The following CACNG1 variants were observed in gnomAD, a reference collection of about 807,000 sequenced individuals.
CACNG1 encodes the protein voltage-dependent calcium channel gamma-1 subunit.
Under a neutral mutation model 22.0 loss-of-function variants are expected in CACNG1, and 21 were observed. The observed-to-expected ratio is 0.95, with a 90% CI of 0.68 to 1.37. The LOEUF (loss-of-function observed/expected upper bound fraction) is 1.37. Among genes scored for constraint, CACNG1 ranks in the 40% most tolerant of loss-of-function variants. The probability of loss-of-function intolerance (pLI) is 0.00; values close to 1 mark genes in which losing one functional copy is unlikely to be tolerated. For missense variants in CACNG1, 291 were observed against 308.6 expected (o/e 0.94, Z 0.43); for synonymous variants, 127 against 129.2 (o/e 0.98, Z 0.12).
At chr17:67,048,180 A>T (rs1312506810) in intron 1 of CACNG1, among the ~76,000 whole-genome samples, 2 of 152,130 alleles carry the variant, frequency 1.3e-5, no homozygotes, top group African/African-American at 2.4e-5. Flanking sequence ...TATATTGTTT[A>T]AAAAATACTG....
chr17:67,046,999 T>C (rs1283795885), intron 1 of CACNG1, among the ~76,000 whole-genome samples: 1 of 152,020 alleles, frequency 6.6e-6, no homozygotes, highest in Non-Finnish European at 1.5e-5. Context: ...CCTGCCTTTT[T>C]CCCTCTCTTT....
chr17:67,051,775 G>A (rs1368453393), intron 1 of CACNG1, among the ~76,000 whole-genome samples: 2 of 152,246 alleles, frequency 1.3e-5, no homozygotes, highest in African/African-American at 4.8e-5. Context: ...GCCAGGCGGA[G>A]CCTGGCGTTT....
chr17:67,044,810 C>G lies in CACNG1; in HGVS notation c.150C>G (p.His50Gln). The change falls in exon 1 of 4, where the codon CAC becomes CAG. Residue 50 changes from histidine (H) to glutamine (Q), a missense_variant. Transcript: ENST00000226021. The surrounding 1 kb of genome is among the most constrained non-coding windows in gnomAD (Gnocchi z 6.9). Reference sequence around the variant, plus strand: ...ACAACACTACCTGCGAGGCGGCCCACTTCGGCCTCTGGCGGATTTGTACCA... The same window carrying G: ...ACAACACTACCTGCGAGGCGGCCCAGTTCGGCCTCTGGCGGATTTGTACCA... ...EHHNTTCEAA[H>Q]FGLWRICTKR... is the part of the protein sequence containing the mutation. 6.2e-7 allele frequency: 1 copy of G among 1,613,524 alleles called. No individual in the cohort carries two copies. The highest frequency in any genetic ancestry group is 1.1e-5 in the South Asian group (1 of 91,092).
chr17:67,055,905 G>T lies in CACNG1; in HGVS notation c.443-140G>T, dbSNP rs2035758385. 1.6e-6 allele frequency: 1 copy of T among 643,684 alleles called. No homozygotes were observed. The highest frequency in any genetic ancestry group is 2.7e-6 in the Non-Finnish European group (1 of 366,514). The allele number at this position is 643,684 out of a possible 1,614,324, so 39.9% of individuals were successfully genotyped here. On this transcript the variant is annotated intron_variant, in intron 3 of 3. Transcript: ENST00000226021. The surrounding 1 kb of genome is among the most constrained non-coding windows in gnomAD (Gnocchi z 4.5). ...GGTGGACAAATGGATCCTTCTGCAG[G>T]TTCCCATCTAGAACCTGCCTTGAGG... is the stretch of plus-strand genomic sequence containing the variant.
intron 1 of CACNG1, among the ~76,000 whole-genome samples, chr17:67,053,452 G>A (rs537991189): frequency 2.0e-5 from 3 of 152,352 alleles, no homozygotes; most frequent in African/African-American, 7.2e-5. Context: ...TCTCAACCTT[G>A]ACACTCTTGA....
intron 1 of CACNG1, among the ~76,000 whole-genome samples, chr17:67,046,657 G>A (rs1201023081): frequency 6.6e-6 from 1 of 151,778 alleles, no homozygotes; most frequent in East Asian, 2.0e-4. Context: ...AACTCCCCTG[G>A]GCAGGGCAGG....
At chr17:67,047,794 G>T (rs1390752873) in intron 1 of CACNG1, among the ~76,000 whole-genome samples, 1 of 152,066 alleles carries the variant, frequency 6.6e-6, no homozygotes, top group Non-Finnish European at 1.5e-5. Context: ...ACATATTCCT[G>T]GGAATCTAGG....
chr17:67,053,874 G>A lies in CACNG1; in HGVS notation c.230-122G>A, dbSNP rs991218593. 4.3e-5 allele frequency: 32 copies of A among 738,670 alleles called. No individual in the cohort carries two copies. The African/African-American group carries it at 4.8e-4, about 11-fold the overall frequency. The allele number at this position is 738,670 out of a possible 1,614,324, so 45.8% of individuals were successfully genotyped here. A position where few individuals can be genotyped will look rare whatever the true frequency, so the allele number is the denominator to read the frequency against. The stretch of plus-strand genomic sequence containing the variant: ...GTTTCAGCCCAGATTAAGGATCTGG[G>A]GAGAAGAGAGGCTGCCAGAGCCCCC... On this transcript the variant is annotated intron_variant, in intron 1 of 3. Transcript: ENST00000226021.
chr17:67,051,495 AG>A (rs2035727941), intron 1 of CACNG1, among the ~76,000 whole-genome samples: 1 of 152,160 alleles, frequency 6.6e-6, no homozygotes, highest in Non-Finnish European at 1.5e-5. Context: ...AGCCCAAGAA[AG>A]GGGAGAGGTC....
chr17:67,047,305 C>T (rs2035703201), intron 1 of CACNG1, among the ~76,000 whole-genome samples: 1 of 152,168 alleles, frequency 6.6e-6, no homozygotes, highest in Non-Finnish European at 1.5e-5. Flanking sequence ...TCAACATTTT[C>T]AGAACTCTGG....
At chr17:67,049,458 C>T (rs2035715552) in intron 1 of CACNG1, among the ~76,000 whole-genome samples, 1 of 152,180 alleles carries the variant, frequency 6.6e-6, no homozygotes, top group Non-Finnish European at 1.5e-5. Context: ...ACATTAACTA[C>T]TTTACAACAA....
At chr17:67,052,101 G>A (rs1192194428) in intron 1 of CACNG1, among the ~76,000 whole-genome samples, 2 of 152,090 alleles carry the variant, frequency 1.3e-5, no homozygotes, top group Admixed American at 6.5e-5. Flanking sequence ...GCAGTGATTC[G>A]AGAGATCTAC....
chr17:67,055,968 T>C lies in CACNG1; in HGVS notation c.443-77T>C. 3 of 1,228,118 alleles carry C rather than the reference T, an allele frequency of 2.4e-6. No homozygotes were observed. In the South Asian group the frequency reaches 3.9e-5, roughly 16 times the overall value. 76.1% of individuals were successfully genotyped at this position (1,228,118 alleles called of 1,614,324 possible). A position where few individuals can be genotyped will look rare whatever the true frequency, so the allele number is the denominator to read the frequency against. ...CAAGGCAAGGTCACCGCCTCCTCCA[T>C]GCACACAGGCTGGGATGGGGCTGGT... On this transcript the variant is annotated intron_variant, in intron 3 of 3. Coordinates refer to ENST00000226021, the MANE Select transcript of CACNG1 (RefSeq NM_000727.4). The surrounding 1 kb of genome is among the most constrained non-coding windows in gnomAD (Gnocchi z 4.5).
chr17:67,053,686 GC>G (rs1272830582), intron 1 of CACNG1, among the ~76,000 whole-genome samples: 1 of 152,214 alleles, frequency 6.6e-6, no homozygotes, highest in African/African-American at 2.4e-5. Context: ...CTGAAAAATG[GC>G]TTGAGCCTGG....
intron 1 of CACNG1, among the ~76,000 whole-genome samples, chr17:67,053,595 C>T (rs554995176): frequency 6.6e-6 from 1 of 152,232 alleles, no homozygotes; most frequent in Non-Finnish European, 1.5e-5. Context: ...CCAGGCATCG[C>T]CAAGTGTCCC....
At chr17:67,049,436 G>A (rs575825072) in intron 1 of CACNG1, among the ~76,000 whole-genome samples, 19 of 152,246 alleles carry the variant, frequency 1.2e-4, no homozygotes, top group East Asian at 1.9e-4. Flanking sequence ...AACATTCACC[G>A]TTTTAGTCAA....
At chr17:67,051,874 G>A (rs945853256) in intron 1 of CACNG1, among the ~76,000 whole-genome samples, 1 of 152,364 alleles carries the variant, frequency 6.6e-6, no homozygotes, top group African/African-American at 2.4e-5. Flanking sequence ...CCCCCAGCAA[G>A]GCACTCCATG....
Position 67,054,052 on chromosome 17 carries a change from G to T in CACNG1, c.286G>T (p.Glu96Ter), listed in dbSNP as rs760216442. 6 of 1,613,920 alleles carry T rather than the reference G, an allele frequency of 3.7e-6. No individual in the cohort carries two copies. In the Admixed American group the frequency reaches 6.7e-5, roughly 18 times the overall value. ...CCCCGGCGAGAGCTCGGAGATCTTCGAATTCACCACTCAGAAGGGTGAGCC... is the reference window on the plus strand; with the variant it reads ...CCCCGGCGAGAGCTCGGAGATCTTCTAATTCACCACTCAGAAGGGTGAGCC... ...FNPGESSEIF[E>*]FTTQKEYSIS... The change falls in exon 2 of 4, where the codon GAA becomes TAA. Residue 96 changes from glutamate (E) to a stop codon, truncating the protein, a stop_gained. Transcript: ENST00000226021. LOFTEE classifies it high-confidence loss of function. The surrounding 1 kb of genome is among the most constrained non-coding windows in gnomAD (Gnocchi z 4.6).
chr17:67,048,943 G>A (rs2143411153), intron 1 of CACNG1, among the ~76,000 whole-genome samples: 1 of 152,274 alleles, frequency 6.6e-6, no homozygotes, highest in South Asian at 2.1e-4. Context: ...ACACCATCAA[G>A]TTTATGTAAA....
Sources: allele counts gnomAD v4.1 joint callset (sites outside exome capture counted in the v4.1 genomes callset), GRCh38; gene constraint gnomAD v4.1.1; non-coding constraint Gnocchi (gnomAD v3.1); transcripts MANE v1.5; gene names NCBI Gene and HGNC (gene_info 2026-07-23, HGNC 2026-07-21).